PTPRH: variants seen among roughly 807,000 people sequenced by gnomAD.
The protein encoded by PTPRH is protein tyrosine phosphatase receptor type H.
A neutral mutation model predicts 130.2 loss-of-function variants in PTPRH; 113 were observed. That is an observed-to-expected ratio of 0.87 (90% confidence interval 0.75 to 1.01). The LOEUF is 1.01. Ranked by LOEUF, PTPRH falls within the 50% of genes least tolerant of loss-of-function variation. The pLI, the probability that PTPRH is intolerant of heterozygous loss-of-function variation, is 0.00. For missense variants in PTPRH, 1,430 were observed against 1,425.0 expected, an observed-to-expected ratio of 1.00 and a Z score of -0.06; for synonymous variants, 556 against 577.9, an observed-to-expected ratio of 0.96 and a Z score of 0.54.
intron 4 of PTPRH, 37 bp from the exon 5 acceptor site, chr19:55,204,085 A>G: frequency 6.4e-7 from 1 of 1,558,300 alleles, no homozygotes; most frequent in East Asian, 2.3e-5. Flanking sequence ...TATGAGCAGG[A>G]CTACAGAACA....
At position 55,185,733 on chromosome 19, in the gene PTPRH, G is replaced by T. The variant is rs771395873; in HGVS notation, c.2902-71C>A. 10 of 1,594,054 alleles carry T rather than the reference G, an allele frequency of 6.3e-6. No individual in the cohort carries two copies. The African/African-American group carries it at 1.1e-4, about 17-fold the overall frequency. On this transcript the variant is annotated intron_variant, in intron 17 of 19. Coordinates refer to ENST00000376350, the MANE Select transcript of PTPRH (RefSeq NM_002842.5). ...GGACCTGGCTTCTAGCACCAGGAGC[G>T]GGTTCCCTGGGGCACACTGCAGCTC... is the stretch of plus-strand genomic sequence containing the variant.
intron 12 of PTPRH, among the ~76,000 whole-genome samples, chr19:55,189,566 C>A (rs2086463280): frequency 6.6e-6 from 1 of 152,208 alleles, no homozygotes; most frequent in South Asian, 2.1e-4. Context: ...ACGCGCCCAT[C>A]CCTGTCCTGG....
rs771418775 is a variant in PTPRH, at chr19:55,188,202, G to A, written c.2385-34C>T. The A allele has an allele frequency of 8.6e-5, 133 of 1,548,964 alleles. 1 individual carries two copies. The highest frequency in any genetic ancestry group is 4.7e-4 in the Admixed American group (28 of 59,918). Reference sequence around the variant, plus strand: ...TTTGGGGGAGCAGGGAGAAAAGACCGTAACTTCTTTTAATCTTGCACTTTT... The same window carrying A: ...TTTGGGGGAGCAGGGAGAAAAGACCATAACTTCTTTTAATCTTGCACTTTT... On this transcript the variant is annotated intron_variant, in intron 12 of 19. Transcript: ENST00000376350.
rs541782923 is a variant in PTPRH, at chr19:55,189,688, G to A, written c.2385-1520C>T. ...CAAAGCTTTCCTTGAATATCCTGCC[G>A]AAAATATTCCTGCTGGGTGCAGCGG... On this transcript the variant is annotated intron_variant, in intron 12 of 19. Transcript: ENST00000376350. The A allele has an allele frequency of 5.5e-5, 25 of 455,956 alleles. No homozygotes were observed. In the East Asian group the frequency reaches 9.8e-4, roughly 18 times the overall value. The allele number at this position is 455,956 out of a possible 1,614,324, so 28.2% of individuals were successfully genotyped here.
intron 12 of PTPRH, among the ~76,000 whole-genome samples, chr19:55,188,936 C>G (rs755759228): frequency 1.1e-4 from 16 of 152,298 alleles, no homozygotes; most frequent in Non-Finnish European, 2.2e-4. Context: ...TCTTGCTGGA[C>G]GCACACTTCT....
intron 8 of PTPRH, 79 bp from the exon 9 acceptor site, chr19:55,197,495 C>T: frequency 7.4e-7 from 1 of 1,345,918 alleles, no homozygotes; most frequent in Admixed American, 1.9e-5. Context: ...TCCCCCACAG[C>T]AAAGCTGAGA....
intron 3 of PTPRH, among the ~76,000 whole-genome samples, 196 bp from the exon 4 acceptor site, chr19:55,205,788 G>T (rs34734889): frequency 0.52 from 78,624 of 151,820 alleles, 22,075 homozygotes; most frequent in African/African-American, 0.75. Context: ...GCCGTTAGTG[G>T]AAGATCCACA....
At position 55,181,810 on chromosome 19, in the gene PTPRH, C is replaced by G. The variant is rs200030466; in HGVS notation, c.3292G>C (p.Glu1098Gln). 1.2e-6 allele frequency: 2 copies of G among 1,614,164 alleles called. No homozygotes were observed. Among genetic ancestry groups the G allele is most frequent in the Admixed American group, 3.3e-5 (2 of 60,030 alleles). The change falls in exon 20 of 20, where the codon GAA becomes CAA. Residue 1098 changes from glutamate (E) to glutamine (Q), a missense_variant. By Grantham distance (29) the Glu-to-Gln change is conservative. Transcript: ENST00000376350. ...GCCACGTTCTCGTAGATGAGGTTTT[C>G]GACATCCTCATACGGGACTTCCTTC... ...AEKEVPYEDVENLIYENVAAI... is the reference protein window; with the variant it reads ...AEKEVPYEDVQNLIYENVAAI...
rs548818635 is a variant in PTPRH, at chr19:55,187,013, C to G, written c.2567-473G>C. ...TGAGCGGAGGTGGTGCCACTTCACT[C>G]CAGCCTGGGTGACAGCAAGACTCTG... On this transcript the variant is annotated intron_variant, in intron 14 of 19. Transcript: ENST00000376350. 1.1e-3 allele frequency among the ~76,000 whole-genome samples: 164 copies of G among 149,890 alleles called. 3 individuals carry two copies. The highest frequency in any genetic ancestry group is 8.4e-3 in the Admixed American group (126 of 14,950).
Position 55,204,053 on chromosome 19 carries a change from G to T in PTPRH, c.620-5C>A. 2 of 1,607,504 alleles carry T rather than the reference G, an allele frequency of 1.2e-6. No homozygotes were observed. The highest frequency in any genetic ancestry group is 1.7e-6 in the Non-Finnish European group (2 of 1,176,130). ...GGTTCCTCACTGGGTTGTGAGCTGAGAAATTAGGAAGAAAGATCTAATATG... is the reference window on the plus strand; with the variant it reads ...GGTTCCTCACTGGGTTGTGAGCTGATAAATTAGGAAGAAAGATCTAATATG... On this transcript the variant is annotated splice_polypyrimidine_tract_variant and splice_region_variant and intron_variant, in intron 4 of 19. Coordinates refer to ENST00000376350, the MANE Select transcript of PTPRH (RefSeq NM_002842.5).
intron 7 of PTPRH, among the ~76,000 whole-genome samples, chr19:55,199,708 AG>A (rs1206117137): frequency 6.9e-6 from 1 of 144,348 alleles, no homozygotes; most frequent in Non-Finnish European, 1.5e-5. Context: ...GGGAGGGAGG[AG>A]GGGAGGGAGA....
chr19:55,205,429 G>T lies in PTPRH; in HGVS notation c.516C>A (p.Asn172Lys). The T allele has an allele frequency of 6.2e-7, 1 of 1,614,212 alleles. No individual in the cohort carries two copies. The highest frequency in any genetic ancestry group is 8.5e-7 in the Non-Finnish European group (1 of 1,180,046). ...RAGTRSTAHT[N>K]ITVDGLEPGC... Reference sequence around the variant, plus strand: ...CGGGTTCAAGTCCATCCACGGTGATGTTAGTGTGTGCTGTGCTTCGAGTCC... The same window carrying T: ...CGGGTTCAAGTCCATCCACGGTGATTTTAGTGTGTGCTGTGCTTCGAGTCC... Residue 172 changes from asparagine to lysine, a missense_variant, in exon 4 of 20, where the codon AAC becomes AAA. Asn to Lys is a moderately conservative substitution (Grantham distance 94). Transcript: ENST00000376350.
chr19:55,186,836 G>A (rs2086351103), intron 14 of PTPRH, among the ~76,000 whole-genome samples: 2 of 151,792 alleles, frequency 1.3e-5, no homozygotes, highest in Non-Finnish European at 1.5e-5. Context: ...CCTGAGGTCA[G>A]GAATTTAAGA....
chr19:55,186,640 A>ACAGACAGAG, intron 14 of PTPRH, 100 bp from the exon 15 acceptor site: 1 of 1,167,352 alleles, frequency 8.6e-7, no homozygotes, highest in East Asian at 2.5e-5. Flanking sequence ...AGACAAGACC[A>ACAGACAGAG]AGACCCATGG....
At position 55,209,462 on chromosome 19, in the gene PTPRH, G is replaced by A. The variant is rs1390299944; in HGVS notation, c.-29C>T. 11 of 1,492,828 alleles carry A rather than the reference G, an allele frequency of 7.4e-6. No homozygotes were observed. The highest frequency in any genetic ancestry group is 1.0e-5 in the Non-Finnish European group (11 of 1,093,168). 92.5% of individuals were successfully genotyped at this position (1,492,828 alleles called of 1,614,324 possible). A position where few individuals can be genotyped will look rare whatever the true frequency, so the allele number is the denominator to read the frequency against. ...TCCAGACACTGCCGGGGACCCAGGA[G>A]TCCCAGGCCTAGTCCTTCCACCTGC... On this transcript the variant is annotated 5_prime_UTR_variant, in exon 1 of 20. Transcript: ENST00000376350. The surrounding 1 kb of genome is among the most constrained non-coding windows in gnomAD (Gnocchi z 4.1).
chr19:55,196,374 G>A (rs1026437807), intron 10 of PTPRH, 148 bp downstream of exon 10: 37 of 1,133,594 alleles, frequency 3.3e-5, no homozygotes, highest in Non-Finnish European at 4.4e-5. Context: ...GACAAGAAGA[G>A]CAAAACTCCA....
At chr19:55,186,561 T>C (rs776967300) in intron 14 of PTPRH, 21 bp from the exon 15 acceptor site, 1 of 1,160,954 alleles carries the variant, frequency 8.6e-7, no homozygotes, top group Non-Finnish European at 1.1e-6. Flanking sequence ...AGGCCAGCAT[T>C]AGCCAGGCAG....
chr19:55,188,251 G>A (rs1239194386), intron 12 of PTPRH, 83 bp from the exon 13 acceptor site: 10 of 1,124,384 alleles, frequency 8.9e-6, no homozygotes, highest in South Asian at 5.0e-5. Context: ...GGTGGCTCAC[G>A]CCTGTAATCC....
chr19:55,205,080 T>C (rs189716636), intron 4 of PTPRH, among the ~76,000 whole-genome samples: 1 of 152,236 alleles, frequency 6.6e-6, no homozygotes. Context: ...CCCCTACACA[T>C]TCCTCTTGGT....
Sources: gnomAD v4.1 joint callset for allele counts (sites outside exome capture counted in the v4.1 genomes callset) on GRCh38, gnomAD v4.1.1 for gene constraint, Gnocchi (gnomAD v3.1) non-coding constraint, MANE v1.5 for transcripts, NCBI Gene and HGNC (gene_info 2026-07-23, HGNC 2026-07-21) for gene names.